The following SPATS1 variants were observed in gnomAD, a reference collection of about 807,000 sequenced individuals.
SPATS1 encodes the protein spermatogenesis associated serine rich 1.
A neutral mutation model predicts 33.6 loss-of-function variants in SPATS1; 23 were observed. The observed-to-expected ratio is 0.68, with a 90% CI of 0.49 to 0.97. The LOEUF is 0.97. SPATS1 is among the 50% of genes least tolerant of loss of function. The pLI, the probability that SPATS1 is intolerant of heterozygous loss-of-function variation, is 0.00. For missense variants in SPATS1, 327 were observed against 361.0 expected, an observed-to-expected ratio of 0.91 and a Z score of 0.76; for synonymous variants, 131 against 125.6, an observed-to-expected ratio of 1.04 and a Z score of -0.29.
intron 7 of SPATS1, among the ~76,000 whole-genome samples, chr6:44,372,880 T>C (rs950227834): frequency 6.6e-6 from 1 of 152,232 alleles, no homozygotes. Context: ...TCTTTAGGGA[T>C]AGTTTAACTC....
At chr6:44,351,579 TC>T (rs1349144950) in intron 2 of SPATS1, among the ~76,000 whole-genome samples, 2 of 152,242 alleles carry the variant, frequency 1.3e-5, no homozygotes, top group Non-Finnish European at 2.9e-5. Flanking sequence ...ATATGCATAA[TC>T]TTTTCATCGG....
At chr6:44,376,317 T>C (rs1167659996) in intron 7 of SPATS1, 41 bp from the exon 8 acceptor site, 2 of 1,348,946 alleles carry the variant, frequency 1.5e-6, no homozygotes, top group Non-Finnish European at 2.1e-6. Flanking sequence ...TTGTAAATTT[T>C]GCATCAAACT....
At chr6:44,373,704 CTAGT>C (rs775684921) in intron 7 of SPATS1, among the ~76,000 whole-genome samples, 3 of 152,182 alleles carry the variant, frequency 2.0e-5, no homozygotes, top group Non-Finnish European at 4.4e-5. Flanking sequence ...CAAGTCTTCT[CTAGT>C]TAGTGACAGA....
At chr6:44,366,600 G>C (rs1366641154) in intron 5 of SPATS1, among the ~76,000 whole-genome samples, 3 of 152,084 alleles carry the variant, frequency 2.0e-5, no homozygotes, top group Admixed American at 6.6e-5. Flanking sequence ...CTAAAATTTT[G>C]GAACCACTGT....
chr6:44,367,142 C>T (rs1789297466), intron 5 of SPATS1, among the ~76,000 whole-genome samples: 2 of 152,164 alleles, frequency 1.3e-5, no homozygotes, highest in African/African-American at 2.4e-5. Context: ...GGCTGGAGTG[C>T]AGTGGCATGA....
chr6:44,375,457 C>T (rs976863997), intron 7 of SPATS1, among the ~76,000 whole-genome samples: 3 of 152,160 alleles, frequency 2.0e-5, no homozygotes, highest in Non-Finnish European at 4.4e-5. Context: ...GTAAGAAATG[C>T]CCTAATTTCT....
intron 3 of SPATS1, among the ~76,000 whole-genome samples, chr6:44,354,188 G>T (rs1788424599): frequency 6.6e-6 from 1 of 151,822 alleles, no homozygotes; most frequent in Admixed American, 6.6e-5. Flanking sequence ...ACAAAAATTA[G>T]CCGGGCCTGG....
intron 5 of SPATS1, among the ~76,000 whole-genome samples, chr6:44,366,279 C>T (rs1789245443): frequency 6.6e-6 from 1 of 152,024 alleles, no homozygotes; most frequent in Non-Finnish European, 1.5e-5. Context: ...CATGTGCCAC[C>T]ATGCCCAGCT....
chr6:44,368,997 T>C (rs573659226), intron 6 of SPATS1, among the ~76,000 whole-genome samples: 71 of 151,314 alleles, frequency 4.7e-4, no homozygotes, highest in Middle Eastern at 6.8e-3. Flanking sequence ...CCTGGGTTCA[T>C]GCCATTCTCC....
intron 3 of SPATS1, 57 bp from the exon 4 acceptor site, chr6:44,360,389 A>G: frequency 6.2e-7 from 1 of 1,609,420 alleles, no homozygotes; most frequent in Non-Finnish European, 8.5e-7. Context: ...ACTATGTGAG[A>G]TCAGGCTGTA....
chr6:44,356,311 C>T (rs1279523528), intron 3 of SPATS1, among the ~76,000 whole-genome samples: 1 of 152,206 alleles, frequency 6.6e-6, no homozygotes, highest in Non-Finnish European at 1.5e-5. Context: ...ATCTATATTA[C>T]CATGGTCCCA....
At chr6:44,362,041 G>C (rs374644539) in intron 5 of SPATS1, 49 bp downstream of exon 5, 1 of 1,610,842 alleles carries the variant, frequency 6.2e-7, no homozygotes, top group Non-Finnish European at 8.5e-7. Flanking sequence ...AAAAACTCTC[G>C]AGTCGTGATT....
At position 44,361,949 on chromosome 6, in the gene SPATS1, A is replaced by G. The variant is rs756451297; in HGVS notation, c.531A>G (p.Leu177=). ...NGVFLGNKRS[L]SERTVDKCFG... ...TCTTCCTCGGCAACAAGAGGTCTCT[A>G]TCAGAGAGGACGGTGGACAAGTGCT... Residue 177 remains leucine (L), a synonymous_variant, in exon 5 of 9, where the codon CTA becomes CTG. Coordinates refer to ENST00000674044, the MANE Select transcript of SPATS1 (RefSeq NM_001372081.1). 1.9e-6 allele frequency: 3 copies of G among 1,614,130 alleles called. No individual in the cohort carries two copies. The highest frequency in any genetic ancestry group is 1.3e-5 in the African/African-American group (1 of 74,942).
In SPATS1 at chr6:44,368,220, T is replaced by G. The variant is rs554132055; in HGVS notation, c.575-159T>G. Among the ~76,000 whole-genome samples, 43 of 152,342 alleles carry G rather than the reference T, an allele frequency of 2.8e-4. 1 individual carries two copies. Among genetic ancestry groups the G allele is most frequent in the Middle Eastern group, 6.8e-3 (2 of 294 alleles). On this transcript the variant is annotated intron_variant, in intron 5 of 8. Coordinates refer to ENST00000674044, the MANE Select transcript of SPATS1 (RefSeq NM_001372081.1). Reference sequence around the variant, plus strand: ...ATGTCCCAAATATAGGCTCATCTCCTTAAGGCAAGATAATCACAAACAGAA... The same window carrying G: ...ATGTCCCAAATATAGGCTCATCTCCGTAAGGCAAGATAATCACAAACAGAA...
intron 1 of SPATS1, 103 bp from the exon 2 acceptor site, chr6:44,342,993 T>G: frequency 6.8e-7 from 1 of 1,471,504 alleles, no homozygotes; most frequent in South Asian, 1.2e-5. Flanking sequence ...CTCCTGACTT[T>G]CGGTGGCTTG....
At chr6:44,367,539 C>T (rs963142528) in intron 5 of SPATS1, among the ~76,000 whole-genome samples, 2 of 152,294 alleles carry the variant, frequency 1.3e-5, no homozygotes, top group South Asian at 2.1e-4. Flanking sequence ...CCACCTGTCA[C>T]GCTGATGGCT....
intron 3 of SPATS1, among the ~76,000 whole-genome samples, chr6:44,357,866 A>T (rs1788685551): frequency 6.6e-6 from 1 of 152,224 alleles, no homozygotes; most frequent in Non-Finnish European, 1.5e-5. Context: ...TGAGCCAGTG[A>T]GTCCTTCCCT....
intron 7 of SPATS1, among the ~76,000 whole-genome samples, chr6:44,372,252 C>CA (rs1202728244): frequency 0.063 from 5,034 of 80,412 alleles, 305 homozygotes; most frequent in African/African-American, 0.17. Flanking sequence ...GACTCCATCT[C>CA]AAAAAAAAAA....
chr6:44,365,758 G>T (rs904504571), intron 5 of SPATS1, among the ~76,000 whole-genome samples: 1 of 152,308 alleles, frequency 6.6e-6, no homozygotes, highest in African/African-American at 2.4e-5. Context: ...TCCCTTATAT[G>T]GTTATTTGTC....
Sources: allele counts gnomAD v4.1 joint callset (sites outside exome capture counted in the v4.1 genomes callset), GRCh38; gene constraint gnomAD v4.1.1; transcripts MANE v1.5; gene names NCBI Gene and HGNC (gene_info 2026-07-23, HGNC 2026-07-21).